The following BMPR1B variants were observed in gnomAD, a reference collection of about 807,000 sequenced individuals.
BMPR1B encodes the protein bone morphogenetic protein receptor type-1B.
In BMPR1B, 12 loss-of-function variants were observed where a neutral mutation model predicts 59.1. The ratio of observed to expected loss-of-function variants is 0.20; its 90% CI spans 0.13 to 0.33. The LOEUF is 0.33. Among genes scored for constraint, BMPR1B ranks in the 10% least tolerant of loss-of-function variants. The pLI is 1.00. For missense variants in BMPR1B, 550 were observed against 610.9 expected, an observed-to-expected ratio of 0.90 and a Z score of 1.05; for synonymous variants, 237 against 207.3, an observed-to-expected ratio of 1.14 and a Z score of -1.23.
chr4:94,823,257 A>G (rs1724267467), intron 1 of BMPR1B, among the ~76,000 whole-genome samples: 1 of 152,166 alleles, frequency 6.6e-6, no homozygotes, highest in African/African-American at 2.4e-5. Context: ...CTGCTTTCCA[A>G]AATTTTGGTT....
At chr4:94,898,703 A>AT (rs1727683029) in intron 2 of BMPR1B, among the ~76,000 whole-genome samples, 1 of 99,720 alleles carries the variant, frequency 1.0e-5, no homozygotes, top group African/African-American at 6.4e-5. Flanking sequence ...GAACAGACTA[A>AT]TATACACTTT....
chr4:94,772,116 T>A (rs1471897866), intron 1 of BMPR1B, among the ~76,000 whole-genome samples: 1 of 152,242 alleles, frequency 6.6e-6, no homozygotes, highest in African/African-American at 2.4e-5. Context: ...TATTTTATCC[T>A]TCTGATTTGA....
intron 3 of BMPR1B, among the ~76,000 whole-genome samples, chr4:95,051,501 C>T (rs754192706): frequency 2.6e-5 from 4 of 152,198 alleles, no homozygotes; most frequent in Non-Finnish European, 5.9e-5. Flanking sequence ...GTCCTCCCCA[C>T]GAGGTGATCA....
intron 3 of BMPR1B, among the ~76,000 whole-genome samples, chr4:95,030,571 A>G (rs1360799082): frequency 6.6e-6 from 1 of 152,022 alleles, no homozygotes. Context: ...GAAAAGAGGA[A>G]GTCAAATTGT....
intron 2 of BMPR1B, among the ~76,000 whole-genome samples, chr4:94,944,425 A>G (rs1319554011): frequency 6.6e-6 from 1 of 152,190 alleles, no homozygotes; most frequent in Non-Finnish European, 1.5e-5. Context: ...AGTTAGTGGT[A>G]GCAGATTTTA....
intron 3 of BMPR1B, among the ~76,000 whole-genome samples, chr4:95,101,587 T>TC (rs1319775455): frequency 2.0e-5 from 3 of 152,080 alleles, no homozygotes; most frequent in Non-Finnish European, 4.4e-5. Flanking sequence ...TTCTTAGCTT[T>TC]CCCCCCACAT....
chr4:94,923,336 A>G (rs1228746213), intron 2 of BMPR1B, among the ~76,000 whole-genome samples: 2 of 152,154 alleles, frequency 1.3e-5, no homozygotes, highest in African/African-American at 2.4e-5. Flanking sequence ...CATACCACCT[A>G]CAGTTGGGAT....
intron 1 of BMPR1B, among the ~76,000 whole-genome samples, chr4:94,782,141 G>C (rs1315184720): frequency 6.7e-6 from 1 of 149,660 alleles, no homozygotes; most frequent in Admixed American, 6.7e-5. Flanking sequence ...TGTGCTTAAT[G>C]GTGTCCTACA....
intron 3 of BMPR1B, among the ~76,000 whole-genome samples, chr4:95,037,947 GTT>G (rs1466980701): frequency 6.6e-6 from 1 of 152,180 alleles, no homozygotes; most frequent in Non-Finnish European, 1.5e-5. Flanking sequence ...GGGGGAGACA[GTT>G]AACAATAAAC....
At chr4:95,050,529 A>G (rs1482027645) in intron 3 of BMPR1B, among the ~76,000 whole-genome samples, 6 of 152,150 alleles carry the variant, frequency 3.9e-5, no homozygotes, top group Admixed American at 3.9e-4. Context: ...TGGTACCTAG[A>G]GGAATAGTGC....
chr4:94,798,269 A>G (rs1723270257), intron 1 of BMPR1B, among the ~76,000 whole-genome samples: 1 of 152,090 alleles, frequency 6.6e-6, no homozygotes, highest in Admixed American at 6.5e-5. Context: ...AAGGTCCTCA[A>G]CTCCAGCATC....
chr4:95,054,126 G>A (rs969256768), intron 3 of BMPR1B, among the ~76,000 whole-genome samples: 2 of 152,154 alleles, frequency 1.3e-5, no homozygotes, highest in Non-Finnish European at 2.9e-5. Flanking sequence ...TGGAGAATGT[G>A]AGCATCAGGT....
chr4:94,841,628 C>G (rs980555074), intron 1 of BMPR1B, among the ~76,000 whole-genome samples: 4 of 152,170 alleles, frequency 2.6e-5, no homozygotes, highest in South Asian at 2.1e-4. Flanking sequence ...GGCTCGCACA[C>G]GGTGCGCGCA....
At chr4:95,026,162 C>CTTTCTT (rs1181592252) in intron 3 of BMPR1B, among the ~76,000 whole-genome samples, 3 of 137,954 alleles carry the variant, frequency 2.2e-5, no homozygotes, top group Non-Finnish European at 3.2e-5. Context: ...TTCTTTCTTT[C>CTTTCTT]TCTTTTTCTC....
intron 1 of BMPR1B, among the ~76,000 whole-genome samples, chr4:94,769,063 T>C (rs1445167046): frequency 6.6e-6 from 1 of 152,200 alleles, no homozygotes; most frequent in African/African-American, 2.4e-5. Flanking sequence ...CTTAAACATT[T>C]TTCTTCAAAC....
chr4:95,010,170 A>T (rs1045496057), intron 3 of BMPR1B, among the ~76,000 whole-genome samples: 3 of 152,178 alleles, frequency 2.0e-5, no homozygotes, highest in African/African-American at 7.2e-5. Flanking sequence ...CAGGGTAAAG[A>T]TGGGTACTTT....
chr4:94,986,059 A>G (rs540693838), intron 2 of BMPR1B, among the ~76,000 whole-genome samples: 1 of 152,184 alleles, frequency 6.6e-6, no homozygotes, highest in Non-Finnish European at 1.5e-5. Flanking sequence ...CAGTTTGTAT[A>G]TATTTTTCCA....
intron 4 of BMPR1B, among the ~76,000 whole-genome samples, chr4:95,105,825 GA>G (rs1042076282): frequency 7.9e-5 from 12 of 151,906 alleles, no homozygotes; most frequent in Admixed American, 6.6e-4. Context: ...ATAGTAAATA[GA>G]AAAAGTATCA....
chr4:94,806,768 G>C (rs1443004351), intron 1 of BMPR1B, among the ~76,000 whole-genome samples: 1 of 152,050 alleles, frequency 6.6e-6, no homozygotes, highest in East Asian at 1.9e-4. Flanking sequence ...TTAGCGTAGC[G>C]TTGTCCCAAA....
Sources: allele counts gnomAD v4.1 joint callset (sites outside exome capture counted in the v4.1 genomes callset), GRCh38; gene constraint gnomAD v4.1.1; transcripts MANE v1.5; gene names NCBI Gene and HGNC (gene_info 2026-07-23, HGNC 2026-07-21).